CIITA: variants seen among roughly 807,000 people sequenced by gnomAD.
The protein encoded by CIITA is class II major histocompatibility complex transactivator, also known as MHC class II transactivator.
CIITA carries 72 observed loss-of-function variants against 115.1 expected under a neutral mutation model. The ratio of observed to expected loss-of-function variants is 0.63; its 90% CI spans 0.52 to 0.76. The LOEUF (loss-of-function observed/expected upper bound fraction) is 0.76, where lower values mean the gene tolerates loss of function less well. Among genes scored for constraint, CIITA ranks in the 30% least tolerant of loss-of-function variants. The pLI is 0.00. For synonymous variants in CIITA, 763 were observed against 635.6 expected (o/e 1.20, Z -3.02); for missense variants, 1,617 against 1,463.8 (o/e 1.10, Z -1.71).
intron 1 of CIITA, 51 bp from the exon 2 acceptor site, chr16:10,895,231 T>C: frequency 1.2e-6 from 2 of 1,609,402 alleles, no homozygotes; most frequent in Non-Finnish European, 1.7e-6. Flanking sequence ...GTCAATTTTC[T>C]GCCTCTTTCC....
intron 1 of CIITA, among the ~76,000 whole-genome samples, chr16:10,889,281 G>A (rs952655222): frequency 2.6e-5 from 4 of 152,134 alleles, no homozygotes; most frequent in African/African-American, 9.7e-5. Flanking sequence ...TATAGACATA[G>A]GAAACTTGGC....
intron 15 of CIITA, 140 bp from the exon 16 acceptor site, chr16:10,918,298 AAC>A: frequency 3.6e-6 from 3 of 824,282 alleles, no homozygotes; most frequent in Non-Finnish European, 6.4e-6. Flanking sequence ...CACAGGACCT[AAC>A]AGTATCCTCC....
In CIITA at chr16:10,880,291, G is replaced by A. The variant is rs565469338; in HGVS notation, c.52+2909G>A. Among the ~76,000 whole-genome samples, 328 of 152,224 alleles carry A rather than the reference G, an allele frequency of 2.2e-3. 2 individuals carry two copies. The highest frequency in any genetic ancestry group is 7.6e-3 in the African/African-American group (317 of 41,528). On this transcript the variant is annotated intron_variant, in intron 1 of 19. Transcript: ENST00000324288. ...GGTTCCCGGGCTCACCCCCAGGCCC[G>A]GTTGGCTAGGCCTGGGGTGAGGCTG...
chr16:10,893,127 C>T (rs2037762674), intron 1 of CIITA, among the ~76,000 whole-genome samples: 1 of 152,080 alleles, frequency 6.6e-6, no homozygotes, highest in African/African-American at 2.4e-5. Flanking sequence ...CCAGTAGTTC[C>T]CAGCAGCTAG....
At chr16:10,917,003 G>A in intron 15 of CIITA, 1 of 242,748 alleles carries the variant, frequency 4.1e-6, no homozygotes, top group Non-Finnish European at 8.1e-6. Flanking sequence ...TAATTATAAA[G>A]TATACAGTAA....
intron 7 of CIITA, 73 bp downstream of exon 7, chr16:10,902,257 G>A (rs2144565223): frequency 1.4e-5 from 22 of 1,586,896 alleles, no homozygotes; most frequent in Non-Finnish European, 1.9e-5. Flanking sequence ...CACTAAGGCA[G>A]GGACTGTCAG....
chr16:10,892,420 G>C (rs888652211), intron 1 of CIITA, among the ~76,000 whole-genome samples: 13 of 152,030 alleles, frequency 8.6e-5, no homozygotes, highest in African/African-American at 1.9e-4. Context: ...TTCTCTTCTG[G>C]GCCCAGAACA....
upstream of CIITA, among the ~76,000 whole-genome samples, chr16:10,873,173 A>G (rs1275707740): frequency 6.6e-6 from 1 of 152,036 alleles, no homozygotes; most frequent in African/African-American, 2.4e-5. Flanking sequence ...AGGTCTCGCT[A>G]TGTTTCCCAC....
intron 13 of CIITA, 44 bp downstream of exon 13, chr16:10,910,303 C>T (rs777773476): frequency 6.5e-7 from 1 of 1,528,268 alleles, no homozygotes; most frequent in African/African-American, 1.4e-5. Flanking sequence ...CGCAAGGTTT[C>T]CCCTGCAGCA....
downstream of CIITA, chr16:10,937,852 T>C (rs1356220761): frequency 6.6e-6 from 1 of 151,950 alleles, no homozygotes; most frequent in African/African-American, 2.4e-5. The surrounding 1 kb of genome is among the most constrained non-coding windows in gnomAD (Gnocchi z 4.2). Context: ...CTATCCAGGG[T>C]TCTGGTGCCC....
upstream of CIITA, among the ~76,000 whole-genome samples, chr16:10,876,733 G>A (rs148813033): frequency 2.0e-5 from 3 of 152,186 alleles, no homozygotes; most frequent in African/African-American, 7.2e-5. Context: ...TGACAGGTGG[G>A]CCACTTATGA....
chr16:10,883,416 C>A (rs2036617245), intron 1 of CIITA, among the ~76,000 whole-genome samples: 1 of 152,212 alleles, frequency 6.6e-6, no homozygotes, highest in South Asian at 2.1e-4. Flanking sequence ...GCTCATACAG[C>A]TCATCTTCAT....
In CIITA at chr16:10,886,428, G is replaced by T. The variant is rs146568758; in HGVS notation, c.53-8854G>T. Among the ~76,000 whole-genome samples the T allele has an allele frequency of 1.6e-3, 241 of 152,298 alleles. 1 individual carries two copies. Among genetic ancestry groups the T allele is most frequent in the Middle Eastern group, 3.4e-3 (1 of 294 alleles). On this transcript the variant is annotated intron_variant, in intron 1 of 19. Coordinates refer to ENST00000324288, the MANE Select transcript of CIITA (RefSeq NM_000246.4). Reference sequence around the variant, plus strand: ...ACTCTCTGTCACCACAAATAACACAGCAGTAACCATCCTCAGATGGGTTCT... The same window carrying T: ...ACTCTCTGTCACCACAAATAACACATCAGTAACCATCCTCAGATGGGTTCT...
intron 13 of CIITA, among the ~76,000 whole-genome samples, chr16:10,911,032 C>CA (rs58632526): frequency 0.72 from 108,927 of 151,936 alleles, 39,607 homozygotes; most frequent in South Asian, 0.79. Flanking sequence ...GGCTGGGGGC[C>CA]ACACCCTAGG....
At chr16:10,939,379 A>T (rs1366233857), downstream of CIITA, 2 of 152,350 alleles carry the variant, frequency 1.3e-5, no homozygotes, top group Non-Finnish European at 2.9e-5. This position sits in a 1 kb window ranked among gnomAD's most constrained non-coding sequence, Gnocchi z 4.9. Context: ...TCCTGCCTAG[A>T]ACCTTCCAAT....
At position 10,879,769 on chromosome 16, in the gene CIITA, G is replaced by T. The variant is rs896047084; in HGVS notation, c.52+2387G>T. Reference sequence around the variant, plus strand: ...GGAAAGCCAGCGTGCGAATGCCGGGGTGGGAGTGGGAGATTGGATCTCCCT... The same window carrying T: ...GGAAAGCCAGCGTGCGAATGCCGGGTTGGGAGTGGGAGATTGGATCTCCCT... On this transcript the variant is annotated intron_variant, in intron 1 of 19. Transcript: ENST00000324288. The surrounding 1 kb of genome is among the most constrained non-coding windows in gnomAD (Gnocchi z 4.3). 6.6e-6 allele frequency among the ~76,000 whole-genome samples: 1 copy of T among 152,190 alleles called. No homozygotes were observed. The highest frequency in any genetic ancestry group is 1.5e-5 in the Non-Finnish European group (1 of 68,034).
At chr16:10,940,200 A>G (rs1343314125), downstream of CIITA, 3 of 152,242 alleles carry the variant, frequency 2.0e-5, no homozygotes, top group Non-Finnish European at 2.9e-5. This position sits in a 1 kb window ranked among gnomAD's most constrained non-coding sequence, Gnocchi z 4.2. Flanking sequence ...CTCAAACTTC[A>G]TATGTTGAAA....
intron 13 of CIITA, among the ~76,000 whole-genome samples, chr16:10,914,140 C>T (rs1447944825): frequency 6.6e-6 from 1 of 152,132 alleles, no homozygotes; most frequent in African/African-American, 2.4e-5. Context: ...GTCTGTTTGG[C>T]CCACAACTTT....
chr16:10,885,483 G>A lies in CIITA; in HGVS notation c.52+8101G>A, dbSNP rs550502196. ...TGCTACATGCCTTAGTTTCCTCTCCGTCTCCTGTGACCTCCTCGTGCCACT... is the reference window on the plus strand; with the variant it reads ...TGCTACATGCCTTAGTTTCCTCTCCATCTCCTGTGACCTCCTCGTGCCACT... On this transcript the variant is annotated intron_variant, in intron 1 of 19. Transcript: ENST00000324288. Among the ~76,000 whole-genome samples, 24 of 152,252 alleles carry A rather than the reference G, an allele frequency of 1.6e-4. No individual in the cohort carries two copies. The East Asian group carries it at 3.3e-3, about 21-fold the overall frequency.
Sources: gnomAD v4.1 joint callset for allele counts (sites outside exome capture counted in the v4.1 genomes callset) on GRCh38, gnomAD v4.1.1 for gene constraint, Gnocchi (gnomAD v3.1) non-coding constraint, MANE v1.5 for transcripts, NCBI Gene and HGNC (gene_info 2026-07-23, HGNC 2026-07-21) for gene names.